RSL1D1: variants seen among roughly 807,000 people sequenced by gnomAD.
The protein encoded by RSL1D1 is ribosomal L1 domain containing 1.
A neutral mutation model predicts 44.6 loss-of-function variants in RSL1D1; 34 were observed. The ratio of observed to expected loss-of-function variants is 0.76; its 90% CI spans 0.58 to 1.02. The LOEUF (loss-of-function observed/expected upper bound fraction) is 1.02, where lower values mean the gene tolerates loss of function less well. Ranked by LOEUF, RSL1D1 falls within the 50% of genes least tolerant of loss-of-function variation. RSL1D1 has a pLI of 0.00. For missense variants in RSL1D1, 767 were observed against 568.1 expected (o/e 1.35, Z -3.56); for synonymous variants, 271 against 207.4 (o/e 1.31, Z -2.63).
chr16:11,851,155 T>TC, intron 1 of RSL1D1: 1 of 545,114 alleles, frequency 1.8e-6, no homozygotes, highest in African/African-American at 1.9e-5. Flanking sequence ...CTAAGCCAGG[T>TC]CGCCAGGTCT....
chr16:11,843,664 C>T (rs907145939), intron 5 of RSL1D1, among the ~76,000 whole-genome samples: 3 of 151,510 alleles, frequency 2.0e-5, no homozygotes, highest in African/African-American at 7.3e-5. Context: ...GTCAGGAGAC[C>T]GAGACCATCC....
rs778371480 is a variant in RSL1D1, at chr16:11,837,890, T to G, written c.1370A>C (p.Lys457Thr). The change falls in exon 9 of 9, where the codon AAG (lysine) becomes ACG (threonine). Residue 457 changes from lysine to threonine, a missense_variant. Lys to Thr is a moderately conservative substitution (Grantham distance 78, BLOSUM62 -1). Coordinates refer to ENST00000571133, the MANE Select transcript of RSL1D1 (RefSeq NM_015659.3). ...AGTGGTGAAAAACTTGGCCTCTGGCTTTTTTGGAGTCTGTCTCGCATCTTT... is the reference window on the plus strand; with the variant it reads ...AGTGGTGAAAAACTTGGCCTCTGGCGTTTTTGGAGTCTGTCTCGCATCTTT... ...GKKDARQTPK[K>T]PEAKFFTTPS... 4.3e-5 allele frequency: 70 copies of G among 1,613,944 alleles called. No homozygotes were observed. The highest frequency in any genetic ancestry group is 5.8e-5 in the Non-Finnish European group (68 of 1,179,990).
intron 5 of RSL1D1, among the ~76,000 whole-genome samples, chr16:11,842,459 A>C (rs1232483276): frequency 6.6e-6 from 1 of 150,656 alleles, no homozygotes; most frequent in African/African-American, 2.4e-5. Flanking sequence ...GGCACAATCA[A>C]CGTACTGGGC....
In RSL1D1 at chr16:11,838,018, C is replaced by G. The variant is rs764585663; in HGVS notation, c.1242G>C (p.Glu414Asp). ...GKKRKALPASETPKAAESETP... is the reference protein window; with the variant it reads ...GKKRKALPASDTPKAAESETP... The stretch of plus-strand genomic sequence containing the variant: ...TCTCAGACTCTGCAGCTTTTGGGGT[C>G]TCAGATGCTGGCAAAGCCTTTCTTT... Residue 414 changes from glutamate (E) to aspartate (D), a missense_variant, in exon 9 of 9, where the codon GAG (glutamate) becomes GAC (aspartate). Transcript: ENST00000571133. 1 of 1,613,792 alleles carries G rather than the reference C, an allele frequency of 6.2e-7. No homozygotes were observed. Among genetic ancestry groups the G allele is most frequent in the South Asian group, 1.1e-5 (1 of 91,064 alleles).
intron 5 of RSL1D1, among the ~76,000 whole-genome samples, chr16:11,842,533 T>C (rs974601353): frequency 2.0e-5 from 3 of 151,804 alleles, no homozygotes; most frequent in Non-Finnish European, 4.4e-5. Context: ...AGCTGATTTT[T>C]GTATTTTTTG....
At chr16:11,840,932 G>A (rs371397451) in intron 7 of RSL1D1, among the ~76,000 whole-genome samples, 2 of 152,190 alleles carry the variant, frequency 1.3e-5, no homozygotes, top group Admixed American at 6.5e-5. Flanking sequence ...ACCTACAACC[G>A]TGGATGGGAA....
chr16:11,835,618 C>G lies in RSL1D1; in HGVS notation c.*2169G>C, dbSNP rs922642879. 1 of 152,304 alleles carries G rather than the reference C, an allele frequency of 6.6e-6. No homozygotes were observed. Among genetic ancestry groups the G allele is most frequent in the Non-Finnish European group, 1.5e-5 (1 of 68,182 alleles). The allele number at this position is 152,304 out of a possible 1,614,324, so 9.4% of individuals were successfully genotyped here. ...AAGCAATCCTCCCACCTCAGCCTCCCAAGAAGCTGGGACCACAGGCATGTT... is the reference window on the plus strand; with the variant it reads ...AAGCAATCCTCCCACCTCAGCCTCCGAAGAAGCTGGGACCACAGGCATGTT... On this transcript the variant is annotated 3_prime_UTR_variant, in exon 9 of 9. Transcript: ENST00000571133.
chr16:11,839,689 C>T lies in RSL1D1; in HGVS notation c.1146+6G>A. 3.1e-6 allele frequency: 5 copies of T among 1,613,510 alleles called. No individual in the cohort carries two copies. Among genetic ancestry groups the T allele is most frequent in the Non-Finnish European group, 4.2e-6 (5 of 1,179,820 alleles). Reference sequence around the variant, plus strand: ...CCATTATGAACAGTAAATATTAAAACAATACCTCTACTTTTTCATTAGCTG... The same window carrying T: ...CCATTATGAACAGTAAATATTAAAATAATACCTCTACTTTTTCATTAGCTG... On this transcript the variant is annotated splice_donor_region_variant and intron_variant, in intron 8 of 8. Coordinates refer to ENST00000571133, the MANE Select transcript of RSL1D1 (RefSeq NM_015659.3).
At position 11,839,818 on chromosome 16, in the gene RSL1D1, T is replaced by TGA; in HGVS notation, c.1022_1023insTC (p.Glu342GlnfsTer31). 7 of 1,614,208 alleles carry TGA rather than the reference T, an allele frequency of 4.3e-6. No homozygotes were observed. Among genetic ancestry groups the TGA allele is most frequent in the Non-Finnish European group, 5.9e-6 (7 of 1,180,036 alleles). ...TGCCACGTTTTTTCTTCCCATGCTC[T>TGA]GGGGTCTGTTCCTTCTTTGATTCAG... On this transcript the variant is annotated frameshift_variant, in exon 8 of 9. Coordinates refer to ENST00000571133, the MANE Select transcript of RSL1D1 (RefSeq NM_015659.3). LOFTEE classifies it high-confidence loss of function.
At chr16:11,848,373 T>C (rs1249640961) in intron 2 of RSL1D1, among the ~76,000 whole-genome samples, 1 of 152,134 alleles carries the variant, frequency 6.6e-6, no homozygotes, top group African/African-American at 2.4e-5. Flanking sequence ...CTTAAAGACT[T>C]CCAAATGCTT....
rs753770828 is a variant in RSL1D1, at chr16:11,835,631, C to A, written c.*2156G>T. 6.6e-6 allele frequency: 1 copy of A among 152,214 alleles called. No individual in the cohort carries two copies. Among genetic ancestry groups the A allele is most frequent in the Non-Finnish European group, 1.5e-5 (1 of 68,156 alleles). The allele number at this position is 152,214 out of a possible 1,614,324, so 9.4% of individuals were successfully genotyped here. On this transcript the variant is annotated 3_prime_UTR_variant, in exon 9 of 9. Transcript: ENST00000571133. Reference sequence around the variant, plus strand: ...ACCTCAGCCTCCCAAGAAGCTGGGACCACAGGCATGTTCCACCACACCCAG... The same window carrying A: ...ACCTCAGCCTCCCAAGAAGCTGGGAACACAGGCATGTTCCACCACACCCAG...
chr16:11,841,866 T>A, intron 6 of RSL1D1, 41 bp downstream of exon 6: 1 of 1,611,894 alleles, frequency 6.2e-7, no homozygotes. Context: ...ACTTTGTTTC[T>A]TTTAAATGAA....
Position 11,837,602 on chromosome 16 carries a change from G to T in RSL1D1, c.*185C>A. On this transcript the variant is annotated 3_prime_UTR_variant, in exon 9 of 9. Transcript: ENST00000571133. ...GTTGACCTTGTGATCCGCCTGCCTC[G>T]GCCTCCCAAAGTGCTGGGATTACAG... The T allele has an allele frequency of 1.8e-6, 1 of 547,458 alleles. No individual in the cohort carries two copies. 33.9% of individuals were successfully genotyped at this position (547,458 alleles called of 1,614,324 possible).
rs370891673 is a variant in RSL1D1 at position 11,851,422 on chromosome 16, G to T, written c.91C>A (p.Leu31Met). 1.3e-4 allele frequency: 206 copies of T among 1,614,078 alleles called. No homozygotes were observed. Among genetic ancestry groups the T allele is most frequent in the Non-Finnish European group, 1.7e-4 (201 of 1,179,932 alleles). ...GAACCACTCACCTGTTCTTTATCCA[G>T]CTGCTTCCGTGCTGTCGGGGCCGCT... ...TPAAPTARKQLDKEQVRKAVD... is the reference protein window; with the variant it reads ...TPAAPTARKQMDKEQVRKAVD... The change falls in exon 1 of 9, where the codon CTG (leucine) becomes ATG (methionine). Residue 31 changes from leucine (L) to methionine (M), a missense_variant. Leu to Met is a conservative substitution (Grantham distance 15). Coordinates refer to ENST00000571133, the MANE Select transcript of RSL1D1 (RefSeq NM_015659.3).
chr16:11,846,782 A>G lies in RSL1D1; in HGVS notation c.446T>C (p.Leu149Pro). ...YKSYEAKLRL[L>P]SSFDFFLTDA... ...AGTAAGGAAGAAATCAAAACTGCTCAGAAGGCGGAGCTTGGCTTCATAGGA... is the reference window on the plus strand; with the variant it reads ...AGTAAGGAAGAAATCAAAACTGCTCGGAAGGCGGAGCTTGGCTTCATAGGA... Residue 149 changes from leucine (L) to proline (P), a missense_variant, in exon 4 of 9, where the codon CTG becomes CCG. By Grantham distance (98) the Leu-to-Pro change is moderately conservative. Transcript: ENST00000571133. 1 of 1,613,526 alleles carries G rather than the reference A, an allele frequency of 6.2e-7. No homozygotes were observed. The highest frequency in any genetic ancestry group is 1.7e-5 in the Admixed American group (1 of 60,024).
intron 7 of RSL1D1, among the ~76,000 whole-genome samples, chr16:11,840,514 G>A (rs2053757726): frequency 6.6e-6 from 1 of 152,182 alleles, no homozygotes. Context: ...GTTGTAGTGA[G>A]CTGAGATCAT....
Position 11,850,451 on chromosome 16 carries a change from T to A in RSL1D1, c.106-33A>T, listed in dbSNP as rs529698214. 1.1e-5 allele frequency: 18 copies of A among 1,584,132 alleles called. No individual in the cohort carries two copies. The African/African-American group carries it at 2.3e-4, about 20-fold the overall frequency. Reference sequence around the variant, plus strand: ...GTGGAAATTAGACAAATAAGTGAAATGTTTTCACAATAACTTACACAAATA... The same window carrying A: ...GTGGAAATTAGACAAATAAGTGAAAAGTTTTCACAATAACTTACACAAATA... On this transcript the variant is annotated intron_variant, in intron 1 of 8. Coordinates refer to ENST00000571133, the MANE Select transcript of RSL1D1 (RefSeq NM_015659.3).
intron 8 of RSL1D1, among the ~76,000 whole-genome samples, chr16:11,839,258 C>T (rs375101425): frequency 8.6e-4 from 131 of 151,746 alleles, no homozygotes; most frequent in African/African-American, 3.1e-3. Flanking sequence ...CCCAGCTACT[C>T]GGGAGGCTGA....
chr16:11,837,700 G>A lies in RSL1D1; in HGVS notation c.*87C>T. Reference sequence around the variant, plus strand: ...TTTAAGTCCAGGCCTGACGTTTAGAGAAGGTTACAAAGGCGGCCAGGATCT... The same window carrying A: ...TTTAAGTCCAGGCCTGACGTTTAGAAAAGGTTACAAAGGCGGCCAGGATCT... On this transcript the variant is annotated 3_prime_UTR_variant, in exon 9 of 9. Transcript: ENST00000571133. 1 of 1,208,866 alleles carries A rather than the reference G, an allele frequency of 8.3e-7. No individual in the cohort carries two copies. The highest frequency in any genetic ancestry group is 1.2e-6 in the Non-Finnish European group (1 of 852,232). The allele number at this position is 1,208,866 out of a possible 1,614,324, so 74.9% of individuals were successfully genotyped here. A position where few individuals can be genotyped will look rare whatever the true frequency, so the allele number is the denominator to read the frequency against.
Sources: gnomAD v4.1 joint callset for allele counts (sites outside exome capture counted in the v4.1 genomes callset) on GRCh38, gnomAD v4.1.1 for gene constraint, MANE v1.5 for transcripts, NCBI Gene and HGNC (gene_info 2026-07-23, HGNC 2026-07-21) for gene names.